The following GGTA1 variants were observed in gnomAD, a reference collection of about 807,000 sequenced individuals.
GGTA1 encodes the protein glycoprotein alpha-galactosyltransferase 1 (inactive).
In GGTA1, 5 loss-of-function variants were observed where a neutral mutation model predicts 2.6. The observed-to-expected ratio is 1.92, with a 90% CI of 1.00 to 4.04. GGTA1 has a LOEUF of 4.04. Ranked by LOEUF, GGTA1 falls within the 30% of genes most tolerant of loss-of-function variation. The pLI, the probability that GGTA1 is intolerant of heterozygous loss-of-function variation, is 0.00. For synonymous variants in GGTA1, 17 were observed against 5.0 expected (o/e 3.38, Z -3.19); for missense variants, 50 against 16.7 (o/e 2.99, Z -3.47).
At chr9:121,466,459 T>C (rs1424255314) in intron 2 of GGTA1, among the ~76,000 whole-genome samples, 1 of 152,176 alleles carries the variant, frequency 6.6e-6, no homozygotes, top group Non-Finnish European at 1.5e-5. Flanking sequence ...GGTCACACTC[T>C]AGTTTGTCAT....
exon 8 of GGTA1, chr9:121,446,063 C>T (rs1311423760): frequency 6.6e-6 from 1 of 152,198 alleles, no homozygotes; most frequent in Non-Finnish European, 1.5e-5. Context: ...GAAACATCTT[C>T]CGTTCAAGTC....
intron 1 of GGTA1, among the ~76,000 whole-genome samples, chr9:121,478,740 C>A (rs577410891): frequency 3.3e-5 from 5 of 152,194 alleles, no homozygotes; most frequent in Admixed American, 2.6e-4. Flanking sequence ...TCAAATGGAA[C>A]GACCTGTTCT....
intron 1 of GGTA1, among the ~76,000 whole-genome samples, chr9:121,499,414 GCTGGA>G (rs1829059222): frequency 6.6e-6 from 1 of 152,178 alleles, no homozygotes; most frequent in Non-Finnish European, 1.5e-5. Flanking sequence ...GTCTTGGAAG[GCTGGA>G]CAGAGGGAGG....
At chr9:121,459,738 C>T (rs2064944284) in intron 5 of GGTA1, among the ~76,000 whole-genome samples, 1 of 152,150 alleles carries the variant, frequency 6.6e-6, no homozygotes, top group African/African-American at 2.4e-5. Context: ...CTCCTCACTC[C>T]CAGAACCACA....
At chr9:121,465,009 A>C (rs371709407) in intron 2 of GGTA1, among the ~76,000 whole-genome samples, 5,179 of 151,884 alleles carry the variant, frequency 0.034, 355 homozygotes, top group African/African-American at 0.12. Flanking sequence ...AACAAACAAA[A>C]AAAAAAAAAC....
chr9:121,487,532 C>T (rs1299491108), intron 1 of GGTA1, among the ~76,000 whole-genome samples: 4 of 141,622 alleles, frequency 2.8e-5, no homozygotes, highest in Non-Finnish European at 4.5e-5. Context: ...CCCGAGATCG[C>T]GCCACTGCAC....
At chr9:121,458,140 G>A (rs2064929021) in intron 5 of GGTA1, among the ~76,000 whole-genome samples, 1 of 151,592 alleles carries the variant, frequency 6.6e-6, no homozygotes, top group South Asian at 2.1e-4. Flanking sequence ...GAACTCCTGA[G>A]CTCAGGCAAT....
intron 5 of GGTA1, among the ~76,000 whole-genome samples, chr9:121,458,625 C>CAAATAAATAAATAAAT (rs141109769): frequency 1.4e-4 from 20 of 143,902 alleles, no homozygotes; most frequent in South Asian, 4.6e-4. Context: ...GACCCTGTCT[C>CAAATAAATAAATAAAT]AAATAAATAA....
chr9:121,489,816 G>A lies in GGTA1; in HGVS notation c.-10+9834C>T, dbSNP rs79521092. Among the ~76,000 whole-genome samples, 1,023 of 152,278 alleles carry A rather than the reference G, an allele frequency of 6.7e-3. 7 individuals are homozygous for A. The highest frequency in any genetic ancestry group is 0.02 in the Middle Eastern group (6 of 294). On this transcript the variant is annotated intron_variant, in intron 1 of 5. Coordinates refer to ENST00000481799, the MANE Select transcript of GGTA1 (RefSeq NM_001382585.1). ...GGGGATGTGTGTGTGTTTGTTGGGGGTGGGGTGGGGTTGCCCCCAGTCACA... is the reference window on the plus strand; with the variant it reads ...GGGGATGTGTGTGTGTTTGTTGGGGATGGGGTGGGGTTGCCCCCAGTCACA...
exon 8 of GGTA1, chr9:121,445,653 T>A (rs866691823): frequency 6.6e-6 from 1 of 152,250 alleles, no homozygotes; most frequent in African/African-American, 2.4e-5. Flanking sequence ...AGCTGTTCAG[T>A]CATGATAACT....
intron 2 of GGTA1, among the ~76,000 whole-genome samples, chr9:121,465,762 C>T (rs1157806965): frequency 1.3e-5 from 2 of 152,072 alleles, no homozygotes; most frequent in African/African-American, 2.4e-5. Flanking sequence ...GTTATAGTGG[C>T]CTGAACTAAA....
chr9:121,483,725 G>A (rs370640292), intron 1 of GGTA1, among the ~76,000 whole-genome samples: 7 of 152,282 alleles, frequency 4.6e-5, no homozygotes, highest in African/African-American at 1.7e-4. Flanking sequence ...CCTCACTGTT[G>A]TAGAGGCAGC....
chr9:121,495,675 A>ACC, intron 1 of GGTA1, among the ~76,000 whole-genome samples: 1 of 152,278 alleles, frequency 6.6e-6, no homozygotes, highest in East Asian at 1.9e-4. Flanking sequence ...TCTCCTAATT[A>ACC]CCCAATGCAA....
Position 121,455,770 on chromosome 9 carries a change from C to G in GGTA1, c.*67G>C, listed in dbSNP as rs2118756446. ...TACACACTCCTTAACCGCATGATCT[C>G]TCAGTCCAGGTCTTCTAGAAGGACT... On this transcript the variant is annotated 3_prime_UTR_variant, in exon 6 of 6. Transcript: ENST00000481799. 1 of 449,320 alleles carries G rather than the reference C, an allele frequency of 2.2e-6. No individual in the cohort carries two copies. The highest frequency in any genetic ancestry group is 7.0e-5 in the East Asian group (1 of 14,374). The allele number at this position is 449,320 out of a possible 1,614,324, so 27.8% of individuals were successfully genotyped here. A position where few individuals can be genotyped will look rare whatever the true frequency, so the allele number is the denominator to read the frequency against.
At chr9:121,450,898 T>C (rs891769210), downstream of GGTA1, among the ~76,000 whole-genome samples, 3 of 152,236 alleles carry the variant, frequency 2.0e-5, no homozygotes, top group African/African-American at 7.2e-5. Flanking sequence ...TGCTGGGCTC[T>C]GGGTTGGGGA....
chr9:121,497,704 A>C (rs1829022958), intron 1 of GGTA1, among the ~76,000 whole-genome samples: 2 of 152,070 alleles, frequency 1.3e-5, no homozygotes, highest in Admixed American at 1.3e-4. Flanking sequence ...TACCTAGTCT[A>C]CTCAGTTGGG....
chr9:121,486,890 G>A (rs909281360), intron 1 of GGTA1, among the ~76,000 whole-genome samples: 3 of 152,068 alleles, frequency 2.0e-5, no homozygotes, highest in Non-Finnish European at 4.4e-5. Context: ...TTCCTTTCCC[G>A]GTTTGCCCAT....
chr9:121,480,051 CTTTTCTTTTCTTTTTTTT>C (rs969959180), intron 1 of GGTA1, among the ~76,000 whole-genome samples: 3 of 137,606 alleles, frequency 2.2e-5, no homozygotes, highest in Admixed American at 2.1e-4. Context: ...TTCTTTTTTT[CTTTTCTTTTCTTTTTTTT>C]TTTTGAGATG....
chr9:121,480,091 T>A (rs1394222273), intron 1 of GGTA1, among the ~76,000 whole-genome samples: 1 of 146,298 alleles, frequency 6.8e-6, no homozygotes, highest in East Asian at 2.0e-4. Context: ...AGTCTCACTC[T>A]GTCGCCCAGG....
Sources: gnomAD v4.1 joint callset for allele counts (sites outside exome capture counted in the v4.1 genomes callset) on GRCh38, gnomAD v4.1.1 for gene constraint, MANE v1.5 for transcripts, NCBI Gene and HGNC (gene_info 2026-07-23, HGNC 2026-07-21) for gene names.